PLEKHG4B: variants seen among roughly 807,000 people sequenced by gnomAD.
PLEKHG4B encodes the protein pleckstrin homology and RhoGEF domain containing G4B, also known as pleckstrin homology domain-containing family G member 4B.
Under a neutral mutation model 121.3 loss-of-function variants are expected in PLEKHG4B, and 111 were observed. The ratio of observed to expected loss-of-function variants is 0.92; its 90% CI spans 0.78 to 1.07. PLEKHG4B has a LOEUF of 1.07. PLEKHG4B is among the 50% of genes least tolerant of loss of function. The pLI, the probability that PLEKHG4B is intolerant of heterozygous loss-of-function variation, is 0.00. For missense variants in PLEKHG4B, 1,831 were observed against 1,757.8 expected (o/e 1.04, Z -0.74); for synonymous variants, 738 against 725.0 (o/e 1.02, Z -0.29).
chr5:146,547 A>AGTCCTCCCTCCTCTTTCCCCTAAG (rs1735422598), intron 6 of PLEKHG4B, among the ~76,000 whole-genome samples: 1 of 101,714 alleles, frequency 9.8e-6, no homozygotes, highest in African/African-American at 3.9e-5. Flanking sequence ...CCCAACCTAA[A>AGTCCTCCCTCCTCTTTCCCCTAAG]GTCCTCCCTC....
chr5:143,265 A>G lies in PLEKHG4B; in HGVS notation c.1687+9A>G. The G allele has an allele frequency of 2.7e-5, 43 of 1,609,728 alleles. No individual in the cohort carries two copies. Among genetic ancestry groups the G allele is most frequent in the Non-Finnish European group, 3.6e-5 (42 of 1,179,832 alleles). The stretch of plus-strand genomic sequence containing the variant: ...GGTCGTCACCCTCCCAGGTGAGAGC[A>G]CATGCCAGGCTCTCCTGTCAGGGCG... On this transcript the variant is annotated intron_variant, in intron 4 of 19. Coordinates refer to ENST00000637938, the MANE Select transcript of PLEKHG4B (RefSeq NM_052909.5).
chr5:99,204 ATATATATATT>A (rs1172057637), intron 1 of PLEKHG4B, among the ~76,000 whole-genome samples: 9 of 100,268 alleles, frequency 9.0e-5, no homozygotes, highest in Admixed American at 2.1e-4. Flanking sequence ...ATATATATAT[ATATATATATT>A]TTGCGATTTT....
In PLEKHG4B at chr5:187,591, A is replaced by C. The variant is rs1428171526; in HGVS notation, c.*5268A>C. ...CTCAGGCTGGTTTTCTGACAGGCAA[A>C]ATGCTCCTTACATAAGGAAAGACCT... On this transcript the variant is annotated 3_prime_UTR_variant, in exon 20 of 20. Transcript: ENST00000637938. The C allele has an allele frequency of 6.6e-6, 1 of 152,234 alleles. No individual in the cohort carries two copies. Among genetic ancestry groups the C allele is most frequent in the African/African-American group, 2.4e-5 (1 of 41,432 alleles). 9.4% of individuals were successfully genotyped at this position (152,234 alleles called of 1,614,324 possible).
At chr5:135,210 G>A (rs1295666738) in intron 2 of PLEKHG4B, among the ~76,000 whole-genome samples, 19 of 133,792 alleles carry the variant, frequency 1.4e-4, no homozygotes, top group African/African-American at 4.2e-4. Context: ...AAAAAAAAAA[G>A]TTTGATTTAT....
In PLEKHG4B at chr5:167,550, C is replaced by T. The variant is rs29679; in HGVS notation, c.3477-1790C>T. Among the ~76,000 whole-genome samples, 150 of 152,266 alleles carry T rather than the reference C, an allele frequency of 9.9e-4. No individual in the cohort carries two copies. The East Asian group carries it at 0.024, about 25-fold the overall frequency. On this transcript the variant is annotated intron_variant, in intron 13 of 19. Coordinates refer to ENST00000637938, the MANE Select transcript of PLEKHG4B (RefSeq NM_052909.5). ...GAGAAAAGCAACGCACCTCACTGTT[C>T]ATTAGGGCAGGGCCCCCGGCTCACC...
intron 2 of PLEKHG4B, among the ~76,000 whole-genome samples, chr5:132,995 TC>T (rs1259315558): frequency 1.3e-5 from 2 of 152,226 alleles, no homozygotes; most frequent in East Asian, 3.8e-4. Flanking sequence ...TTTGGTCATT[TC>T]ACAGTATTGA....
chr5:104,873 G>C (rs1021516737), intron 1 of PLEKHG4B, among the ~76,000 whole-genome samples: 3 of 152,206 alleles, frequency 2.0e-5, no homozygotes, highest in Non-Finnish European at 4.4e-5. Flanking sequence ...CAACCTTCCT[G>C]CTGTAAGACT....
rs1735031533 is a variant in PLEKHG4B at position 137,915 on chromosome 5, A to G, written c.244-1568A>G. ...GGCCCCACCAGGCATCCAGCCCAGG[A>G]CACAGCTCCTCAGGCCGCCTCGCAG... On this transcript the variant is annotated intron_variant, in intron 2 of 19. Transcript: ENST00000637938. This position sits in a 1 kb window ranked among gnomAD's most constrained non-coding sequence, Gnocchi z 4.2. 6.6e-6 allele frequency among the ~76,000 whole-genome samples: 1 copy of G among 152,200 alleles called. No homozygotes were observed. The highest frequency in any genetic ancestry group is 1.5e-5 in the Non-Finnish European group (1 of 68,026).
At position 133,941 on chromosome 5, in the gene PLEKHG4B, C is replaced by CACACACATAT. The variant is rs34900477; in HGVS notation, c.244-5541_244-5540insCACACATATA. Among the ~76,000 whole-genome samples, 528 of 146,330 alleles carry CACACACATAT rather than the reference C, an allele frequency of 3.6e-3. 4 individuals carry two copies. Among genetic ancestry groups the CACACACATAT allele is most frequent in the African/African-American group, 7.1e-3 (277 of 39,162 alleles). ...ACACACGCACACACACACACACACA[C>CACACACATAT]ATATATATATGGTGGAATATATATA... On this transcript the variant is annotated intron_variant, in intron 2 of 19. Coordinates refer to ENST00000637938, the MANE Select transcript of PLEKHG4B (RefSeq NM_052909.5).
chr5:143,286 G>A (rs1735292126), intron 4 of PLEKHG4B, 30 bp downstream of exon 4: 1 of 1,608,814 alleles, frequency 6.2e-7, no homozygotes, highest in Non-Finnish European at 8.5e-7. Flanking sequence ...TCTCCTGTCA[G>A]GGCGGATCTG....
At chr5:165,166 ACGGGGCGGGGC>A (rs1736267918) in intron 13 of PLEKHG4B, among the ~76,000 whole-genome samples, 2 of 74,858 alleles carry the variant, frequency 2.7e-5, no homozygotes, top group African/African-American at 9.2e-5. Context: ...TAATGCTCTG[ACGGGGCGGGGC>A]TCACAGTACT....
chr5:108,445 G>A (rs1214294951), intron 1 of PLEKHG4B, among the ~76,000 whole-genome samples: 2 of 152,270 alleles, frequency 1.3e-5, no homozygotes, highest in African/African-American at 4.8e-5. Context: ...AGCCTGAGTG[G>A]AAAGCAGGGC....
In PLEKHG4B at chr5:123,805, A is replaced by G. The variant is rs192522277; in HGVS notation, c.243+10357A>G. Among the ~76,000 whole-genome samples, 366 of 152,118 alleles carry G rather than the reference A, an allele frequency of 2.4e-3. 2 individuals carry two copies. The highest frequency in any genetic ancestry group is 8.4e-3 in the African/African-American group (350 of 41,510). Reference sequence around the variant, plus strand: ...CTTTTTTTATCTTTCCAAAGAACCAATTGTTGGTTTCATCCATTTTGTCTC... The same window carrying G: ...CTTTTTTTATCTTTCCAAAGAACCAGTTGTTGGTTTCATCCATTTTGTCTC... On this transcript the variant is annotated intron_variant, in intron 2 of 19. Transcript: ENST00000637938.
intron 6 of PLEKHG4B, among the ~76,000 whole-genome samples, chr5:148,275 A>C (rs1009601779): frequency 6.6e-6 from 1 of 151,878 alleles, no homozygotes; most frequent in African/African-American, 2.4e-5. Context: ...CAAACTGGAA[A>C]GGAAGAAGTA....
rs1023699350 is a variant in PLEKHG4B at position 137,169 on chromosome 5, A to G, written c.244-2314A>G. 1.3e-5 allele frequency among the ~76,000 whole-genome samples: 2 copies of G among 152,232 alleles called. No homozygotes were observed. Among genetic ancestry groups the G allele is most frequent in the African/African-American group, 2.4e-5 (1 of 41,454 alleles). On this transcript the variant is annotated intron_variant, in intron 2 of 19. Coordinates refer to ENST00000637938, the MANE Select transcript of PLEKHG4B (RefSeq NM_052909.5). The surrounding 1 kb of genome is among the most constrained non-coding windows in gnomAD (Gnocchi z 4.2). ...CCAATGGATAGGAGCCAGTACTGGA[A>G]GGACAAATGTTGGATGATTCCACTT... is the stretch of plus-strand genomic sequence containing the variant.
chr5:184,204 A>T lies in PLEKHG4B; in HGVS notation c.*1881A>T, dbSNP rs987481514. On this transcript the variant is annotated 3_prime_UTR_variant, in exon 20 of 20. Transcript: ENST00000637938. ...CCAGTGGTGTAATTCTCAGAGGCCA[A>T]AGGCCTGAGAACCTGGGGGCCACTG... is the stretch of plus-strand genomic sequence containing the variant. 1 of 152,226 alleles carries T rather than the reference A, an allele frequency of 6.6e-6. No individual in the cohort carries two copies. Among genetic ancestry groups the T allele is most frequent in the African/African-American group, 2.4e-5 (1 of 41,454 alleles). 9.4% of individuals were successfully genotyped at this position (152,226 alleles called of 1,614,324 possible). A position where few individuals can be genotyped will look rare whatever the true frequency, so the allele number is the denominator to read the frequency against.
At chr5:150,897 G>A (rs1735583695) in intron 6 of PLEKHG4B, among the ~76,000 whole-genome samples, 1 of 152,208 alleles carries the variant, frequency 6.6e-6, no homozygotes, top group Admixed American at 6.5e-5. Context: ...AATATTTATA[G>A]TGACTTTACC....
At chr5:164,969 C>CA (rs1413293020) in intron 13 of PLEKHG4B, among the ~76,000 whole-genome samples, 1 of 48,908 alleles carries the variant, frequency 2.0e-5, no homozygotes, top group Non-Finnish European at 4.5e-5. Flanking sequence ...AATGCTCTGA[C>CA]GGGGCGGAGC....
chr5:168,046 C>T (rs906671057), intron 13 of PLEKHG4B, among the ~76,000 whole-genome samples: 3 of 152,178 alleles, frequency 2.0e-5, no homozygotes, highest in Non-Finnish European at 2.9e-5. Flanking sequence ...CAGGGCAACA[C>T]GAGTGGATCC....
Sources: allele counts gnomAD v4.1 joint callset (sites outside exome capture counted in the v4.1 genomes callset), GRCh38; gene constraint gnomAD v4.1.1; non-coding constraint Gnocchi (gnomAD v3.1); transcripts MANE v1.5; gene names NCBI Gene and HGNC (gene_info 2026-07-23, HGNC 2026-07-21).